OSBPL1A: variants seen among roughly 807,000 people sequenced by gnomAD.
OSBPL1A encodes oxysterol-binding protein-related protein 1.
OSBPL1A carries 80 observed loss-of-function variants against 137.1 expected under a neutral mutation model. The observed-to-expected ratio is 0.58, with a 90% CI of 0.49 to 0.70. OSBPL1A has a LOEUF of 0.70. Among genes scored for constraint, OSBPL1A ranks in the 30% least tolerant of loss-of-function variants. OSBPL1A has a pLI of 0.00. For synonymous variants in OSBPL1A, 365 were observed against 389.7 expected, an observed-to-expected ratio of 0.94 and a Z score of 0.75; for missense variants, 970 against 1,129.4, an observed-to-expected ratio of 0.86 and a Z score of 2.02.
chr18:24,253,634 G>T (rs1411280043), intron 15 of OSBPL1A, among the ~76,000 whole-genome samples: 2 of 152,202 alleles, frequency 1.3e-5, no homozygotes, highest in African/African-American at 4.8e-5. Flanking sequence ...CTTGGGAAGT[G>T]GGGAGTGCTG....
chr18:24,175,407 C>G (rs1046845180), intron 21 of OSBPL1A, among the ~76,000 whole-genome samples: 1 of 151,922 alleles, frequency 6.6e-6, no homozygotes, highest in African/African-American at 2.4e-5. Flanking sequence ...AGGCTGGTCT[C>G]TAACTCCTGG....
chr18:24,189,409 C>T (rs1416294921), intron 18 of OSBPL1A, among the ~76,000 whole-genome samples: 3 of 152,142 alleles, frequency 2.0e-5, no homozygotes, highest in African/African-American at 4.8e-5. Flanking sequence ...CAGGGTGCTC[C>T]CCCGCGTGTG....
rs1310628328 is a variant in OSBPL1A, at chr18:24,162,075, G to A, written c.*1104C>T. 2.0e-5 allele frequency: 3 copies of A among 152,332 alleles called. No individual in the cohort carries two copies. The highest frequency in any genetic ancestry group is 4.4e-5 in the Non-Finnish European group (3 of 68,144). 9.4% of individuals were successfully genotyped at this position (152,332 alleles called of 1,614,324 possible). ...GGGAACATTCTAAAGCCTTTATTTA[G>A]CATCAGGTAGATTATTTCATTATAA... On this transcript the variant is annotated 3_prime_UTR_variant, in exon 28 of 28. Transcript: ENST00000319481.
chr18:24,282,401 CA>C (rs1191942436), intron 14 of OSBPL1A, among the ~76,000 whole-genome samples: 1 of 152,104 alleles, frequency 6.6e-6, no homozygotes, highest in Non-Finnish European at 1.5e-5. Context: ...CACTGTTTGG[CA>C]TAAGTAGGTC....
intron 17 of OSBPL1A, among the ~76,000 whole-genome samples, chr18:24,206,019 T>C (rs1339303775): frequency 6.6e-6 from 1 of 152,154 alleles, no homozygotes; most frequent in Non-Finnish European, 1.5e-5. Context: ...GCCTCCCAAG[T>C]AGCTGGGACT....
intron 1 of OSBPL1A, among the ~76,000 whole-genome samples, chr18:24,391,502 A>G (rs894049480): frequency 6.6e-6 from 1 of 150,956 alleles, no homozygotes; most frequent in African/African-American, 2.4e-5. Context: ...GCAGGAGGAT[A>G]GCCTGAGACC....
chr18:24,268,984 G>C (rs76888153), intron 15 of OSBPL1A, among the ~76,000 whole-genome samples: 2,928 of 152,186 alleles, frequency 0.019, 35 homozygotes, highest in South Asian at 0.033. Context: ...TGTGACTTGT[G>C]CCATAAAACT....
At chr18:24,326,910 CT>C (rs766122948) in intron 7 of OSBPL1A, among the ~76,000 whole-genome samples, 3 of 152,104 alleles carry the variant, frequency 2.0e-5, no homozygotes, top group Non-Finnish European at 4.4e-5. Flanking sequence ...TTTTCTAGTG[CT>C]TTTGTTTTCC....
In OSBPL1A at chr18:24,202,748, C is replaced by T. The variant is rs114910139; in HGVS notation, c.1602-6548G>A. On this transcript the variant is annotated intron_variant, in intron 17 of 27. Coordinates refer to ENST00000319481, the MANE Select transcript of OSBPL1A (RefSeq NM_080597.4). Reference sequence around the variant, plus strand: ...TTCACAACATTTGGTATTTTTCCAACGGACAAGAAAAAAGCAATTCATTAT... The same window carrying T: ...TTCACAACATTTGGTATTTTTCCAATGGACAAGAAAAAAGCAATTCATTAT... Among the ~76,000 whole-genome samples the T allele has an allele frequency of 7.0e-3, 1,065 of 152,104 alleles. 9 individuals carry two copies. Among genetic ancestry groups the T allele is most frequent in the African/African-American group, 0.024 (994 of 41,492 alleles).
chr18:24,336,650 G>A (rs560816093), intron 5 of OSBPL1A, among the ~76,000 whole-genome samples: 51 of 152,228 alleles, frequency 3.4e-4, no homozygotes, highest in South Asian at 1.2e-3. Context: ...TTTAAATTTA[G>A]TATCACTCTA....
intron 14 of OSBPL1A, among the ~76,000 whole-genome samples, chr18:24,298,094 G>A (rs1440898589): frequency 2.0e-5 from 3 of 152,146 alleles, no homozygotes; most frequent in Admixed American, 1.3e-4. Context: ...CCAAACTGGT[G>A]ACTAGAGTGA....
At chr18:24,185,406 G>A (rs1287929927) in intron 18 of OSBPL1A, among the ~76,000 whole-genome samples, 4 of 148,300 alleles carry the variant, frequency 2.7e-5, no homozygotes, top group East Asian at 2.0e-4. Flanking sequence ...TGCAACCTCC[G>A]CCTCCTGGGT....
chr18:24,314,701 T>C (rs1396898945), intron 11 of OSBPL1A, among the ~76,000 whole-genome samples: 1 of 152,170 alleles, frequency 6.6e-6, no homozygotes, highest in Non-Finnish European at 1.5e-5. Flanking sequence ...TCGCCTTACC[T>C]TTTTGTTTGA....
chr18:24,297,356 G>T (rs952395316), intron 14 of OSBPL1A, among the ~76,000 whole-genome samples: 2 of 151,896 alleles, frequency 1.3e-5, no homozygotes, highest in Admixed American at 6.6e-5. Flanking sequence ...GTTTAATTTC[G>T]AATTAAGCTT....
intron 24 of OSBPL1A, among the ~76,000 whole-genome samples, chr18:24,168,232 T>G (rs1264144288): frequency 6.6e-6 from 1 of 152,084 alleles, no homozygotes; most frequent in South Asian, 2.1e-4. Context: ...TCCCAAAGCA[T>G]CATTTGAGTA....
chr18:24,333,584 G>A (rs754393650), intron 6 of OSBPL1A, among the ~76,000 whole-genome samples: 6 of 152,202 alleles, frequency 3.9e-5, no homozygotes, highest in Non-Finnish European at 8.8e-5. Context: ...TGCTTTAGGT[G>A]CTATACTTAG....
intron 21 of OSBPL1A, 92 bp from the exon 22 acceptor site, chr18:24,172,575 C>A (rs1436371605): frequency 2.4e-6 from 2 of 843,714 alleles, no homozygotes; most frequent in Non-Finnish European, 3.8e-6. Context: ...CTCAGAATAA[C>A]AAACCAGGCT....
At chr18:24,303,023 C>G (rs1340780533) in intron 14 of OSBPL1A, among the ~76,000 whole-genome samples, 1 of 151,556 alleles carries the variant, frequency 6.6e-6, no homozygotes, top group South Asian at 2.1e-4. Context: ...GAGAGAGAGA[C>G]AGAGTCTTGC....
chr18:24,278,137 G>T (rs950520257), intron 15 of OSBPL1A, among the ~76,000 whole-genome samples: 1 of 152,162 alleles, frequency 6.6e-6, no homozygotes, highest in Non-Finnish European at 1.5e-5. Context: ...TCAGACCAGT[G>T]CTTCTAAAAG....
Sources: allele counts gnomAD v4.1 joint callset (sites outside exome capture counted in the v4.1 genomes callset), GRCh38; gene constraint gnomAD v4.1.1; transcripts MANE v1.5; gene names NCBI Gene and HGNC (gene_info 2026-07-23, HGNC 2026-07-21).